Variants in CUX2 observed in about 807,000 individuals in gnomAD.
CUX2 encodes the protein cut like homeobox 2, also known as homeobox protein cut-like 2.
Under a neutral mutation model 144.8 loss-of-function variants are expected in CUX2, and 40 were observed. The ratio of observed to expected loss-of-function variants is 0.28; its 90% confidence interval spans 0.21 to 0.36. CUX2 has a LOEUF of 0.36. Among genes scored for constraint, CUX2 ranks in the 10% least tolerant of loss-of-function variants. The pLI is 1.00. For synonymous variants in CUX2, 827 were observed against 875.6 expected, an observed-to-expected ratio of 0.94 and a Z score of 0.98; for missense variants, 1,615 against 1,994.0, an observed-to-expected ratio of 0.81 and a Z score of 3.62.
chr12:111,236,470 TG>T (rs1291233493), intron 3 of CUX2, among the ~76,000 whole-genome samples: 1 of 152,146 alleles, frequency 6.6e-6, no homozygotes, highest in Admixed American at 6.5e-5. Context: ...AGGTAGGAGA[TG>T]GGACGATCAG....
chr12:111,098,696 G>A (rs1872998081), intron 1 of CUX2, among the ~76,000 whole-genome samples: 1 of 152,206 alleles, frequency 6.6e-6, no homozygotes, highest in African/African-American at 2.4e-5. Flanking sequence ...TCAGACAAGA[G>A]CAGGAAGCCA....
chr12:111,159,183 G>C (rs960858927), intron 1 of CUX2, among the ~76,000 whole-genome samples: 5 of 152,188 alleles, frequency 3.3e-5, no homozygotes, highest in Non-Finnish European at 5.9e-5. Flanking sequence ...GTCTTGCTCT[G>C]TTACCCAGGC....
intron 18 of CUX2, among the ~76,000 whole-genome samples, chr12:111,325,254 A>C (rs1387560691): frequency 6.6e-6 from 1 of 151,582 alleles, no homozygotes; most frequent in African/African-American, 2.4e-5. Flanking sequence ...AGATCCTGTC[A>C]CTGCACTCCA....
intron 1 of CUX2, among the ~76,000 whole-genome samples, chr12:111,041,352 G>A (rs1346676603): frequency 1.3e-5 from 2 of 152,190 alleles, no homozygotes; most frequent in Non-Finnish European, 2.9e-5. Flanking sequence ...CAAATAAACA[G>A]CAGCGGCTGG....
chr12:111,336,697 C>G (rs900096158), intron 19 of CUX2, among the ~76,000 whole-genome samples: 12 of 151,946 alleles, frequency 7.9e-5, no homozygotes, highest in Admixed American at 7.9e-4. Context: ...ATCCTCCCGC[C>G]TCATCCTCCC....
At chr12:111,227,644 C>T (rs1882224396) in intron 3 of CUX2, among the ~76,000 whole-genome samples, 1 of 152,142 alleles carries the variant, frequency 6.6e-6, no homozygotes, top group African/African-American at 2.4e-5. Context: ...CTCTGGCTTT[C>T]TCCTATATTT....
At chr12:111,054,427 G>C (rs1251523042) in intron 1 of CUX2, among the ~76,000 whole-genome samples, 1 of 152,228 alleles carries the variant, frequency 6.6e-6, no homozygotes, top group Admixed American at 6.5e-5. Context: ...TCTGGCCTCA[G>C]TATAGCCATT....
rs926822660 is a variant in CUX2, at chr12:111,061,782, G to C, written c.63+27542G>C. On this transcript the variant is annotated intron_variant, in intron 1 of 21. Transcript: ENST00000261726. The surrounding 1 kb of genome is among the most constrained non-coding windows in gnomAD (Gnocchi z 4.2). ...TTTTTGTCGTTTTCTTTTTTCTGCT[G>C]TGATGGAAACACTGTGCTTCCAGTT... Among the ~76,000 whole-genome samples, 2 of 152,186 alleles carry C rather than the reference G, an allele frequency of 1.3e-5. No individual in the cohort carries two copies. Among genetic ancestry groups the C allele is most frequent in the African/African-American group, 4.8e-5 (2 of 41,448 alleles).
At position 111,077,285 on chromosome 12, in the gene CUX2, C is replaced by A. The variant is rs147914519; in HGVS notation, c.63+43045C>A. Among the ~76,000 whole-genome samples, 1 of 152,190 alleles carries A rather than the reference C, an allele frequency of 6.6e-6. No individual in the cohort carries two copies. Among genetic ancestry groups the A allele is most frequent in the Non-Finnish European group, 1.5e-5 (1 of 68,036 alleles). On this transcript the variant is annotated intron_variant, in intron 1 of 21. Transcript: ENST00000261726. This position sits in a 1 kb window ranked among gnomAD's most constrained non-coding sequence, Gnocchi z 4.1. The stretch of plus-strand genomic sequence containing the variant: ...TTGAAAGAGGCCTTTCCTTGAAACG[C>A]GCAGCCGTGTGGCAGGGCCCGGGAA...
At chr12:111,102,199 G>A (rs913041214) in intron 1 of CUX2, among the ~76,000 whole-genome samples, 7 of 152,300 alleles carry the variant, frequency 4.6e-5, no homozygotes, top group Non-Finnish European at 7.3e-5. Context: ...TGCGTGGGTG[G>A]GCCGCGCCAA....
At chr12:111,244,619 G>T (rs187222468) in intron 3 of CUX2, among the ~76,000 whole-genome samples, 2 of 152,312 alleles carry the variant, frequency 1.3e-5, no homozygotes, top group Admixed American at 1.3e-4. Flanking sequence ...TCAGGTTCAG[G>T]TTCAATGTTT....
chr12:111,196,397 G>A (rs970947438), intron 1 of CUX2, among the ~76,000 whole-genome samples: 1 of 152,186 alleles, frequency 6.6e-6, no homozygotes, highest in East Asian at 1.9e-4. Flanking sequence ...ATACATTTAT[G>A]TCTAACTTAT....
intron 1 of CUX2, among the ~76,000 whole-genome samples, chr12:111,121,369 CTTTTTTTTTT>C (rs5800920): frequency 0.012 from 685 of 59,164 alleles, 13 homozygotes; most frequent in African/African-American, 0.034. Flanking sequence ...TTTCTTTTTT[CTTTTTTTTTT>C]TTTTTTTTTT....
At chr12:111,078,914 AG>A (rs1487589027) in intron 1 of CUX2, among the ~76,000 whole-genome samples, 1 of 152,144 alleles carries the variant, frequency 6.6e-6, no homozygotes, top group African/African-American at 2.4e-5. Context: ...GCTGAGGAAA[AG>A]GAGTCGTGCG....
intron 3 of CUX2, among the ~76,000 whole-genome samples, chr12:111,243,081 A>G (rs2339716): frequency 0.25 from 38,170 of 151,926 alleles, 5,803 homozygotes; most frequent in East Asian, 0.63. Flanking sequence ...TATGTGCCAC[A>G]TTTTCTTTAT....
chr12:111,307,169 C>T lies in CUX2; in HGVS notation c.1051-30C>T, dbSNP rs761088092. The T allele has an allele frequency of 6.2e-7, 1 of 1,613,938 alleles. No individual in the cohort carries two copies. Reference sequence around the variant, plus strand: ...CGGCCCCATGCAGAAGCACACAGACCAGCCTCACCATCTTTCTTTGCTCTT... The same window carrying T: ...CGGCCCCATGCAGAAGCACACAGACTAGCCTCACCATCTTTCTTTGCTCTT... On this transcript the variant is annotated intron_variant, in intron 11 of 21. Coordinates refer to ENST00000261726, the MANE Select transcript of CUX2 (RefSeq NM_015267.4). The surrounding 1 kb of genome is among the most constrained non-coding windows in gnomAD (Gnocchi z 4.1).
At chr12:111,164,691 G>A (rs113206457) in intron 1 of CUX2, among the ~76,000 whole-genome samples, 82 of 152,260 alleles carry the variant, frequency 5.4e-4, no homozygotes, top group African/African-American at 1.8e-3. Context: ...TAGAAGTCAC[G>A]CAATAATTGC....
chr12:111,200,153 C>T (rs1880491419), intron 1 of CUX2, among the ~76,000 whole-genome samples: 1 of 151,942 alleles, frequency 6.6e-6, no homozygotes, highest in Admixed American at 6.6e-5. Flanking sequence ...AGGACACCCC[C>T]TCTTGCAGCA....
rs147242623 is a variant in CUX2, at chr12:111,063,917, C to T, written c.63+29677C>T. Among the ~76,000 whole-genome samples, 188 of 152,254 alleles carry T rather than the reference C, an allele frequency of 1.2e-3. 2 individuals carry two copies. The highest frequency in any genetic ancestry group is 0.011 in the Admixed American group (164 of 15,300). On this transcript the variant is annotated intron_variant, in intron 1 of 21. Coordinates refer to ENST00000261726, the MANE Select transcript of CUX2 (RefSeq NM_015267.4). ...AATGTGTGTTTACGCTGTCGAGGAG[C>T]GAGGCACCAGCCAAGTAGGTAGCTG...
Sources: allele counts gnomAD v4.1 joint callset (sites outside exome capture counted in the v4.1 genomes callset), GRCh38; gene constraint gnomAD v4.1.1; non-coding constraint Gnocchi (gnomAD v3.1); transcripts MANE v1.5; gene names NCBI Gene and HGNC (gene_info 2026-07-23, HGNC 2026-07-21).